IFRD2: variants seen among roughly 807,000 people sequenced by gnomAD.
The protein encoded by IFRD2 is interferon related developmental regulator 2, also known as interferon-related developmental regulator 2.
A neutral mutation model predicts 49.2 loss-of-function variants in IFRD2; 35 were observed. The observed-to-expected ratio is 0.71, with a 90% CI of 0.54 to 0.94. IFRD2 has a LOEUF of 0.94. Among genes scored for constraint, IFRD2 ranks in the 40% least tolerant of loss-of-function variants. IFRD2 has a pLI of 0.00. For missense variants in IFRD2, 561 were observed against 591.6 expected (o/e 0.95, Z 0.54); for synonymous variants, 275 against 239.7 (o/e 1.15, Z -1.36).
At chr3:50,289,169 T>C in intron 8 of IFRD2, 86 bp downstream of exon 8, 1 of 1,269,528 alleles carries the variant, frequency 7.9e-7, no homozygotes, top group Non-Finnish European at 1.1e-6. Context: ...GACCTAAAGC[T>C]GTTCTGTTTT....
intron 2 of IFRD2, 34 bp from the exon 3 acceptor site, chr3:50,290,506 C>T: frequency 6.3e-7 from 1 of 1,598,574 alleles, no homozygotes; most frequent in East Asian, 2.3e-5. Flanking sequence ...CGCTTCTTGT[C>T]CTCAGCCCAT....
intron 1 of IFRD2, among the ~76,000 whole-genome samples, chr3:50,291,007 C>CTT (rs11306616): frequency 2.8e-4 from 26 of 94,378 alleles, no homozygotes; most frequent in Non-Finnish European, 3.6e-4. Context: ...TCCCCGCCAC[C>CTT]TTTTTTTTTT....
intron 5 of IFRD2, 68 bp downstream of exon 5, chr3:50,289,860 AG>A: frequency 1.3e-6 from 2 of 1,599,196 alleles, no homozygotes; most frequent in South Asian, 2.2e-5. Flanking sequence ...GGCTGAAGAT[AG>A]GGGGAACCCA....
Position 50,288,563 on chromosome 3 carries a change from C to T in IFRD2, c.1152+20G>A. ...CTGAAGCAACCACACCAGATGTCCCCTCCCTGTCCGTCCCCGCACCTGGAG... is the reference window on the plus strand; with the variant it reads ...CTGAAGCAACCACACCAGATGTCCCTTCCCTGTCCGTCCCCGCACCTGGAG... On this transcript the variant is annotated intron_variant, in intron 10 of 11. Coordinates refer to ENST00000417626, the MANE Select transcript of IFRD2 (RefSeq NM_006764.5). The T allele has an allele frequency of 6.2e-7, 1 of 1,613,982 alleles. No individual in the cohort carries two copies. The highest frequency in any genetic ancestry group is 1.1e-5 in the South Asian group (1 of 91,088).
In IFRD2 at chr3:50,290,974, C is replaced by T. The variant is rs376057474; in HGVS notation, c.59-295G>A. 9.9e-5 allele frequency among the ~76,000 whole-genome samples: 15 copies of T among 151,010 alleles called. 2 individuals carry two copies. Among genetic ancestry groups the T allele is most frequent in the Admixed American group, 3.3e-4 (5 of 15,192 alleles). On this transcript the variant is annotated intron_variant, in intron 1 of 11. Transcript: ENST00000417626. ...ACACCCCTCATCTGCAGGACAAAGT[C>T]CAGCCTGCGCACTGGCCTCTGCTCC...
At chr3:50,288,739 G>A in intron 9 of IFRD2, 28 bp from the exon 10 acceptor site, 3 of 1,612,264 alleles carry the variant, frequency 1.9e-6, no homozygotes, top group Non-Finnish European at 2.5e-6. Context: ...CAACACAACT[G>A]GGCTTGGCTG....
At position 50,289,349 on chromosome 3, in the gene IFRD2, C is replaced by A; in HGVS notation, c.791G>T (p.Arg264Leu). 6.3e-7 allele frequency: 1 copy of A among 1,598,124 alleles called. No homozygotes were observed. The highest frequency in any genetic ancestry group is 8.5e-7 in the Non-Finnish European group (1 of 1,172,480). Reference sequence around the variant, plus strand: ...TTCACTGGACAAGAGCTGGGGCAGCCGGGGCAGCTGCCTAGGGAAGGGGCA... The same window carrying A: ...TTCACTGGACAAGAGCTGGGGCAGCAGGGGCAGCTGCCTAGGGAAGGGGCA... ...ISHILDRQLP[R>L]LPQLLSSESV... The change falls in exon 8 of 12, where the codon CGG (arginine) becomes CTG (leucine). Residue 264 changes from arginine to leucine, a missense_variant. By Grantham distance (102) the Arg-to-Leu change is moderately radical. Transcript: ENST00000417626.
chr3:50,289,798 C>T (rs373445171), intron 5 of IFRD2, 36 bp from the exon 6 acceptor site: 361 of 1,589,976 alleles, frequency 2.3e-4, no homozygotes, highest in Middle Eastern at 1.3e-3. Flanking sequence ...CCACGGTCAG[C>T]GGGTGAACCT....
At position 50,289,304 on chromosome 3, in the gene IFRD2, G is replaced by C. The variant is rs781973350; in HGVS notation, c.836C>G (p.Ala279Gly). The C allele has an allele frequency of 3.7e-5, 59 of 1,598,892 alleles. No individual in the cohort carries two copies. Among genetic ancestry groups the C allele is most frequent in the Non-Finnish European group, 4.6e-5 (54 of 1,173,080 alleles). Residue 279 changes from alanine (A) to glycine (G), a missense_variant, in exon 8 of 12, where the codon GCT (alanine) becomes GGT (glycine). Coordinates refer to ENST00000417626, the MANE Select transcript of IFRD2 (RefSeq NM_006764.5). ...GAGCAGTGCAATGGTTTCACCGGCA[G>C]CGATCCGCAGGTTCACACTTTCACT... ...LSSESVNLRI[A>G]AGETIALLFE...
Position 50,290,246 on chromosome 3 carries a change from C to T in IFRD2, c.312G>A (p.Ala104=), listed in dbSNP as rs782569493. 2.0e-5 allele frequency: 33 copies of T among 1,613,022 alleles called. No individual in the cohort carries two copies. The highest frequency in any genetic ancestry group is 1.0e-4 in the Admixed American group (6 of 59,886). The change falls in exon 4 of 12, where the codon GCG becomes GCA. Residue 104 remains alanine (A), a synonymous_variant. Transcript: ENST00000417626. Reference sequence around the variant, plus strand: ...GCAAGAAGTCGGGGAGTAGGCGGGACGCTAGGGCCAGGCGCAGGCTCTCAA... The same window carrying T: ...GCAAGAAGTCGGGGAGTAGGCGGGATGCTAGGGCCAGGCGCAGGCTCTCAA... ...GALESLRLAL[A]SRLLPDFLLE...
chr3:50,292,245 G>T lies in IFRD2; in HGVS notation c.30C>A (p.Leu10=). ...CTCCACGGCGCTGACCACCCTTCCG[G>T]AGCGTGTTGCCCTTACGGGCGCGAG... MPRARKGNT[L]RKGGQRRGGG... Residue 10 remains leucine (L), a synonymous_variant, in exon 1 of 12, where the codon CTC becomes CTA. Transcript: ENST00000417626. 6.6e-7 allele frequency: 1 copy of T among 1,516,460 alleles called. No homozygotes were observed. The allele number at this position is 1,516,460 out of a possible 1,614,324, so 93.9% of individuals were successfully genotyped here. A position where few individuals can be genotyped will look rare whatever the true frequency, so the allele number is the denominator to read the frequency against.
In IFRD2 at chr3:50,290,682, G is replaced by A. The variant is rs1553709670; in HGVS notation, c.59-3C>T. 2 of 1,612,978 alleles carry A rather than the reference G, an allele frequency of 1.2e-6. No homozygotes were observed. The highest frequency in any genetic ancestry group is 1.3e-5 in the African/African-American group (1 of 74,916). On this transcript the variant is annotated splice_region_variant and splice_polypyrimidine_tract_variant and intron_variant, in intron 1 of 11. Coordinates refer to ENST00000417626, the MANE Select transcript of IFRD2 (RefSeq NM_006764.5). ...AGCTTGGGCACTGCTCCGGGCACCT[G>A]GAGAAGGTGGAATAGGACACTCAAC...
Position 50,289,695 on chromosome 3 carries a change from G to T in IFRD2, c.597+17C>A. On this transcript the variant is annotated intron_variant, in intron 6 of 11. Transcript: ENST00000417626. ...CAGCCCTAGATGCTCTACCACCTGT[G>T]CCCAAAGACCCCTCACCTGGATGTC... 1.9e-6 allele frequency: 3 copies of T among 1,598,592 alleles called. No individual in the cohort carries two copies. Among genetic ancestry groups the T allele is most frequent in the Non-Finnish European group, 2.6e-6 (3 of 1,172,920 alleles).
In IFRD2 at chr3:50,289,525, A is replaced by T. The variant is rs781863108; in HGVS notation, c.701T>A (p.Leu234Gln). The change falls in exon 7 of 12, where the codon CTG becomes CAG. Residue 234 changes from leucine to glutamine, a missense_variant. Transcript: ENST00000417626. ...CCAGGCCTGCAGGGCAGCAGAGAGCAGGCCGTGCAGGCTGGCAGGAACCAC... is the reference window on the plus strand; with the variant it reads ...CCAGGCCTGCAGGGCAGCAGAGAGCTGGCCGTGCAGGCTGGCAGGAACCAC... ...SPVVPASLHGLLSAALQAWAL... is the reference protein window; with the variant it reads ...SPVVPASLHGQLSAALQAWAL... 2 of 1,581,718 alleles carry T rather than the reference A, an allele frequency of 1.3e-6. No homozygotes were observed. The highest frequency in any genetic ancestry group is 1.7e-6 in the Non-Finnish European group (2 of 1,164,238).
chr3:50,292,292 G>C lies in IFRD2; in HGVS notation c.-18C>G, dbSNP rs1553709928. Reference sequence around the variant, plus strand: ...CGAGGCATGCCGGGAACCGGGCGCGGGGGGCGCGGGGTCAGGGACCCGGTG... The same window carrying C: ...CGAGGCATGCCGGGAACCGGGCGCGCGGGGCGCGGGGTCAGGGACCCGGTG... On this transcript the variant is annotated 5_prime_UTR_variant, in exon 1 of 12. Transcript: ENST00000417626. 4 of 1,553,246 alleles carry C rather than the reference G, an allele frequency of 2.6e-6. No homozygotes were observed. The highest frequency in any genetic ancestry group is 2.0e-4 in the Middle Eastern group (1 of 4,904).
intron 1 of IFRD2, 148 bp downstream of exon 1, chr3:50,292,069 A>C (rs1701687358): frequency 1.2e-6 from 1 of 859,254 alleles, no homozygotes; most frequent in Admixed American, 3.5e-5. Context: ...CTGCTGGGGC[A>C]CGTGCCAGCC....
Position 50,292,314 on chromosome 3 carries a change from G to T in IFRD2, c.-40C>A. ...GCGGGGGGCGCGGGGTCAGGGACCCGGTGGGTGTGGGCTCCAGGCCAACGA... is the reference window on the plus strand; with the variant it reads ...GCGGGGGGCGCGGGGTCAGGGACCCTGTGGGTGTGGGCTCCAGGCCAACGA... On this transcript the variant is annotated 5_prime_UTR_variant, in exon 1 of 12. Coordinates refer to ENST00000417626, the MANE Select transcript of IFRD2 (RefSeq NM_006764.5). 1 of 1,565,038 alleles carries T rather than the reference G, an allele frequency of 6.4e-7. No individual in the cohort carries two copies. Among genetic ancestry groups the T allele is most frequent in the South Asian group, 1.2e-5 (1 of 86,212 alleles).
intron 1 of IFRD2, chr3:50,291,914 G>A (rs1284800032): frequency 7.1e-6 from 3 of 423,368 alleles, no homozygotes; most frequent in Non-Finnish European, 4.2e-6. Context: ...TTGGCAAGAG[G>A]ACTGGCTTCC....
In IFRD2 at chr3:50,288,508, G is replaced by T; in HGVS notation, c.1153-4C>A. On this transcript the variant is annotated splice_polypyrimidine_tract_variant and splice_region_variant and intron_variant, in intron 10 of 11. Coordinates refer to ENST00000417626, the MANE Select transcript of IFRD2 (RefSeq NM_006764.5). ...TGTCACGGAGTAGCTCATTGTTCTG[G>T]GGGGCAGAGGGCAGTGAGCTCAGGC... 19 of 1,613,996 alleles carry T rather than the reference G, an allele frequency of 1.2e-5. No individual in the cohort carries two copies. The highest frequency in any genetic ancestry group is 1.6e-5 in the Non-Finnish European group (19 of 1,179,882).
Sources: allele counts gnomAD v4.1 joint callset (sites outside exome capture counted in the v4.1 genomes callset), GRCh38; gene constraint gnomAD v4.1.1; transcripts MANE v1.5; gene names NCBI Gene and HGNC (gene_info 2026-07-23, HGNC 2026-07-21).